SLAIN2: variants seen among roughly 807,000 people sequenced by gnomAD.
SLAIN2 encodes SLAIN family member 2.
In SLAIN2, 31 loss-of-function variants were observed where a neutral mutation model predicts 56.6. The ratio of observed to expected loss-of-function variants is 0.55; its 90% CI spans 0.41 to 0.74. SLAIN2 has a LOEUF of 0.74. Among genes scored for constraint, SLAIN2 ranks in the 30% least tolerant of loss-of-function variants. The pLI is 0.00. For synonymous variants in SLAIN2, 317 were observed against 284.9 expected, an observed-to-expected ratio of 1.11 and a Z score of -1.13; for missense variants, 777 against 754.2, an observed-to-expected ratio of 1.03 and a Z score of -0.35.
At chr4:48,413,143 G>A (rs982767731) in intron 6 of SLAIN2, among the ~76,000 whole-genome samples, 1 of 151,928 alleles carries the variant, frequency 6.6e-6, no homozygotes, top group Non-Finnish European at 1.5e-5. Context: ...CACGAGAGTC[G>A]CTTGAACCTG....
intron 1 of SLAIN2, among the ~76,000 whole-genome samples, chr4:48,344,646 A>G (rs1037274413): frequency 6.6e-6 from 1 of 151,964 alleles, no homozygotes; most frequent in African/African-American, 2.4e-5. Context: ...AGGAACTAGT[A>G]TCTTTTTTAG....
chr4:48,364,942 T>TAA (rs976891149), intron 1 of SLAIN2, among the ~76,000 whole-genome samples: 1 of 151,882 alleles, frequency 6.6e-6, no homozygotes. Flanking sequence ...GTCTCTTTTA[T>TAA]AAGTCTATTC....
intron 6 of SLAIN2, among the ~76,000 whole-genome samples, chr4:48,412,422 T>TCC (rs1405496787): frequency 1.0e-3 from 31 of 30,034 alleles, no homozygotes; most frequent in South Asian, 3.8e-3. Flanking sequence ...ACACATTCCC[T>TCC]CTCTCTCTCT....
At chr4:48,403,292 C>T (rs557801996) in intron 6 of SLAIN2, among the ~76,000 whole-genome samples, 9 of 152,310 alleles carry the variant, frequency 5.9e-5, no homozygotes, top group Admixed American at 4.6e-4. Context: ...TGCTCTGACT[C>T]TCCAGAGCCA....
chr4:48,409,912 C>T (rs1716799874), intron 6 of SLAIN2, among the ~76,000 whole-genome samples: 1 of 152,122 alleles, frequency 6.6e-6, no homozygotes, highest in Non-Finnish European at 1.5e-5. Flanking sequence ...ATGCTGTGAA[C>T]ATTCATGTAC....
chr4:48,359,399 C>G (rs992932503), intron 1 of SLAIN2, among the ~76,000 whole-genome samples: 1 of 152,102 alleles, frequency 6.6e-6, no homozygotes, highest in African/African-American at 2.4e-5. Flanking sequence ...TTATTTTTAT[C>G]TTAAATTTAA....
chr4:48,365,460 A>C (rs1715489602), intron 1 of SLAIN2, among the ~76,000 whole-genome samples: 1 of 151,432 alleles, frequency 6.6e-6, no homozygotes, highest in East Asian at 1.9e-4. Context: ...AAAAAAAAAA[A>C]AAAAAGCACT....
chr4:48,421,946 G>C, intron 7 of SLAIN2, 65 bp from the exon 8 acceptor site: 1 of 1,231,106 alleles, frequency 8.1e-7, no homozygotes. Flanking sequence ...ATATGTGTGA[G>C]ATAGTATGGT....
In SLAIN2 at chr4:48,341,969, G is replaced by A. The variant is rs568500152; in HGVS notation, c.230G>A (p.Gly77Asp). 2.1e-6 allele frequency: 3 copies of A among 1,438,476 alleles called. No homozygotes were observed. The highest frequency in any genetic ancestry group is 2.9e-5 in the South Asian group (2 of 67,810). The allele number at this position is 1,438,476 out of a possible 1,614,324, so 89.1% of individuals were successfully genotyped here. Reference protein sequence around the residue: ...FPLGLSAKSGGGPGSGPRRTS... With the variant: ...FPLGLSAKSGDGPGSGPRRTS... ...TTGGGCCTCAGCGCCAAGTCGGGCG[G>A]CGGGCCCGGGTCGGGCCCGAGGCGG... The change falls in exon 1 of 8, where the codon GGC becomes GAC. Residue 77 changes from glycine to aspartate, a missense_variant. Transcript: ENST00000264313.
At chr4:48,365,643 C>G (rs1577716234) in intron 1 of SLAIN2, among the ~76,000 whole-genome samples, 1 of 152,026 alleles carries the variant, frequency 6.6e-6, no homozygotes, top group African/African-American at 2.4e-5. Context: ...TCACTGCAAC[C>G]TCCACCTCCC....
chr4:48,383,497 GT>G lies in SLAIN2; in HGVS notation c.1223-142del, dbSNP rs902066753. ...TAACAGATCCTAGATCGAGTTGTTT[GT>G]TTTTTTTAATAAGACAAGTCCTTTG... On this transcript the variant is annotated intron_variant, in intron 5 of 7. Transcript: ENST00000264313. 6.1e-5 allele frequency: 38 copies of G among 619,800 alleles called. 1 individual carries two copies. The South Asian group carries it at 6.2e-4, about 10-fold the overall frequency. 38.4% of individuals were successfully genotyped at this position (619,800 alleles called of 1,614,324 possible).
chr4:48,414,131 T>C (rs565430753), intron 6 of SLAIN2, among the ~76,000 whole-genome samples: 2 of 152,332 alleles, frequency 1.3e-5, no homozygotes, highest in South Asian at 2.1e-4. Context: ...AGAGTTCTAA[T>C]TTTTGCTCAG....
At chr4:48,403,978 A>G (rs1335799856) in intron 6 of SLAIN2, among the ~76,000 whole-genome samples, 1 of 152,138 alleles carries the variant, frequency 6.6e-6, no homozygotes, top group Non-Finnish European at 1.5e-5. Flanking sequence ...AGGGTTGCAC[A>G]ATCACTCACC....
At chr4:48,349,302 C>T (rs1196637725) in intron 1 of SLAIN2, among the ~76,000 whole-genome samples, 1 of 152,178 alleles carries the variant, frequency 6.6e-6, no homozygotes, top group Admixed American at 6.5e-5. Flanking sequence ...AGTAAGAGTT[C>T]AGTGACATTA....
intron 1 of SLAIN2, among the ~76,000 whole-genome samples, chr4:48,367,169 G>A (rs541893540): frequency 6.6e-6 from 1 of 152,342 alleles, no homozygotes; most frequent in African/African-American, 2.4e-5. Context: ...CTCAGCTCAT[G>A]TGTCCTCTGG....
At chr4:48,363,946 G>C (rs371291851) in intron 1 of SLAIN2, among the ~76,000 whole-genome samples, 2 of 106,588 alleles carry the variant, frequency 1.9e-5, no homozygotes, top group African/African-American at 3.2e-5. Flanking sequence ...CCTCCCTCCC[G>C]GACGGGGCGG....
At chr4:48,385,832 A>C (rs748852347) in intron 6 of SLAIN2, among the ~76,000 whole-genome samples, 1 of 151,820 alleles carries the variant, frequency 6.6e-6, no homozygotes, top group Non-Finnish European at 1.5e-5. Context: ...TGTTTAGCTG[A>C]CTTCATATAC....
In SLAIN2 at chr4:48,341,929, C is replaced by G; in HGVS notation, c.190C>G (p.Pro64Ala). The change falls in exon 1 of 8, where the codon CCT becomes GCT. Residue 64 changes from proline (P) to alanine (A), a missense_variant. By Grantham distance (27) the Pro-to-Ala change is conservative. Coordinates refer to ENST00000264313, the MANE Select transcript of SLAIN2 (RefSeq NM_020846.2). ...CATTCCCTCCTCCGGCGCGGCGTCT[C>G]CTCGGGGCTTCCCCTTGGGCCTCAG... The part of the protein sequence containing the change: ...ASIPSSGAAS[P>A]RGFPLGLSAK... 6.7e-7 allele frequency: 1 copy of G among 1,503,088 alleles called. No homozygotes were observed. The highest frequency in any genetic ancestry group is 8.9e-7 in the Non-Finnish European group (1 of 1,128,078). 93.1% of individuals were successfully genotyped at this position (1,503,088 alleles called of 1,614,324 possible). A position where few individuals can be genotyped will look rare whatever the true frequency, so the allele number is the denominator to read the frequency against.
At position 48,382,830 on chromosome 4, in the gene SLAIN2, A is replaced by T; in HGVS notation, c.1125A>T (p.Arg375Ser). ...CTGCTCGGGGAATAGAATATAGTAG[A>T]GTGTCCCCACAGCCTATGATTAGCC... ...RSPARGIEYS[R>S]VSPQPMISRL... The change falls in exon 5 of 8, where the codon AGA becomes AGT. Residue 375 changes from arginine to serine, a missense_variant. Arg to Ser is a moderately radical substitution (Grantham distance 110). Transcript: ENST00000264313. 1 of 1,613,824 alleles carries T rather than the reference A, an allele frequency of 6.2e-7. No homozygotes were observed.
Sources: gnomAD v4.1 joint callset for allele counts (sites outside exome capture counted in the v4.1 genomes callset) on GRCh38, gnomAD v4.1.1 for gene constraint, MANE v1.5 for transcripts, NCBI Gene and HGNC (gene_info 2026-07-23, HGNC 2026-07-21) for gene names.